ASIC2: variants seen among roughly 807,000 people sequenced by gnomAD.
ASIC2 encodes acid-sensing ion channel 2.
A neutral mutation model predicts 57.3 loss-of-function variants in ASIC2; 25 were observed. That is an observed-to-expected ratio of 0.44 (90% CI 0.32 to 0.61). The LOEUF (loss-of-function observed/expected upper bound fraction) is 0.61, where lower values mean the gene tolerates loss of function less well. Among genes scored for constraint, ASIC2 ranks in the 20% least tolerant of loss-of-function variants. The pLI, the probability that ASIC2 is intolerant of heterozygous loss-of-function variation, is 0.06. For missense variants in ASIC2, 641 were observed against 738.1 expected, an observed-to-expected ratio of 0.87 and a Z score of 1.52; for synonymous variants, 319 against 307.5, an observed-to-expected ratio of 1.04 and a Z score of -0.39.
At chr17:34,013,195 A>G (rs998563562) in intron 1 of ASIC2, among the ~76,000 whole-genome samples, 2 of 152,204 alleles carry the variant, frequency 1.3e-5, no homozygotes, top group African/African-American at 4.8e-5. Flanking sequence ...AACCAGAGGG[A>G]GAGTTTGTCA....
chr17:33,133,530 G>T (rs1239935459), intron 1 of ASIC2, among the ~76,000 whole-genome samples: 1 of 152,178 alleles, frequency 6.6e-6, no homozygotes, highest in Non-Finnish European at 1.5e-5. Context: ...TTAGGGATGG[G>T]AAACTTAGAC....
chr17:33,771,791 A>C (rs1382266514), intron 1 of ASIC2, among the ~76,000 whole-genome samples: 1 of 152,170 alleles, frequency 6.6e-6, no homozygotes, highest in African/African-American at 2.4e-5. Context: ...ATACAGGCAA[A>C]AGATCAAATA....
intron 2 of ASIC2, among the ~76,000 whole-genome samples, chr17:33,109,666 C>T (rs887452038): frequency 1.2e-4 from 19 of 152,278 alleles, no homozygotes; most frequent in African/African-American, 2.4e-4. Context: ...TGATGACCTG[C>T]GCAGTGTTAG....
chr17:33,699,701 A>G (rs1356296865), intron 1 of ASIC2, among the ~76,000 whole-genome samples: 1 of 152,178 alleles, frequency 6.6e-6, no homozygotes, highest in Non-Finnish European at 1.5e-5. Context: ...ACCCTCAACA[A>G]GGCTGTAAAG....
chr17:33,341,128 T>C (rs984019068), intron 1 of ASIC2, among the ~76,000 whole-genome samples: 1 of 152,140 alleles, frequency 6.6e-6, no homozygotes, highest in African/African-American at 2.4e-5. Flanking sequence ...TCCAATCCAG[T>C]GGTAATCAAA....
At chr17:33,970,115 T>C (rs1014853311) in intron 1 of ASIC2, among the ~76,000 whole-genome samples, 1 of 152,184 alleles carries the variant, frequency 6.6e-6, no homozygotes, top group Non-Finnish European at 1.5e-5. Flanking sequence ...CATTAATTCT[T>C]TGTTGTAGGG....
At chr17:33,037,844 T>G (rs2091915514) in intron 3 of ASIC2, among the ~76,000 whole-genome samples, 1 of 152,146 alleles carries the variant, frequency 6.6e-6, no homozygotes, top group African/African-American at 2.4e-5. Context: ...AATTCAATAA[T>G]AAAATCACTG....
chr17:33,575,099 C>G (rs977141228), intron 1 of ASIC2, among the ~76,000 whole-genome samples: 1 of 152,174 alleles, frequency 6.6e-6, no homozygotes, highest in African/African-American at 2.4e-5. Context: ...ACACGTCAGT[C>G]TCCTCACATG....
chr17:33,840,361 G>A (rs116633063), intron 1 of ASIC2, among the ~76,000 whole-genome samples: 2,881 of 152,222 alleles, frequency 0.019, 96 homozygotes, highest in African/African-American at 0.066. Flanking sequence ...AATTTCAACT[G>A]AGGCTTCAGC....
At chr17:33,491,511 A>G (rs1010322787) in intron 1 of ASIC2, among the ~76,000 whole-genome samples, 1 of 152,124 alleles carries the variant, frequency 6.6e-6, no homozygotes, top group Non-Finnish European at 1.5e-5. Context: ...AATAGGAAAA[A>G]CTCTAAAAAA....
intron 1 of ASIC2, among the ~76,000 whole-genome samples, chr17:33,153,752 C>A (rs1187211829): frequency 6.6e-6 from 1 of 152,186 alleles, no homozygotes; most frequent in East Asian, 1.9e-4. Flanking sequence ...GACATCAGCT[C>A]CCTTAGGGAC....
At chr17:33,720,704 T>C (rs1909363683) in intron 1 of ASIC2, among the ~76,000 whole-genome samples, 1 of 152,184 alleles carries the variant, frequency 6.6e-6, no homozygotes, top group Non-Finnish European at 1.5e-5. Context: ...TGGGATAACT[T>C]AGGTGTTACT....
At chr17:34,087,228 A>T (rs1354346195) in intron 1 of ASIC2, among the ~76,000 whole-genome samples, 2 of 151,820 alleles carry the variant, frequency 1.3e-5, no homozygotes, top group Non-Finnish European at 2.9e-5. Context: ...CTTTTAGGGC[A>T]GTCCTGGTGG....
intron 1 of ASIC2, among the ~76,000 whole-genome samples, chr17:33,701,024 G>A (rs558525735): frequency 1.3e-5 from 2 of 152,290 alleles, no homozygotes; most frequent in South Asian, 4.2e-4. Flanking sequence ...CGTTGCCAGA[G>A]GGAGAAAGGC....
Position 33,112,027 on chromosome 17 carries a change from C to A in ASIC2, c.749G>T (p.Gly250Val). ...GGTGAGCAGAGGTTTGCCATCCTCG[C>A]CTGAGTTAAACATGTAACACTTCCC... ...KYGKCYMFNSGEDGKPLLTTV... is the reference protein window; with the variant it reads ...KYGKCYMFNSVEDGKPLLTTV... The change falls in exon 2 of 10, where the codon GGC (glycine) becomes GTC (valine). Residue 250 changes from glycine (G) to valine (V), a missense_variant. Coordinates refer to ENST00000225823, the MANE Select transcript of ASIC2 (RefSeq NM_183377.2). 6.2e-7 allele frequency: 1 copy of A among 1,613,962 alleles called. No homozygotes were observed. The highest frequency in any genetic ancestry group is 8.5e-7 in the Non-Finnish European group (1 of 1,179,948).
Position 33,441,695 on chromosome 17 carries a change from C to T in ASIC2, c.556-329628G>A, listed in dbSNP as rs550964893. Among the ~76,000 whole-genome samples, 25 of 152,262 alleles carry T rather than the reference C, an allele frequency of 1.6e-4. No individual in the cohort carries two copies. In the South Asian group the frequency reaches 4.8e-3, roughly 29 times the overall value. On this transcript the variant is annotated intron_variant, in intron 1 of 9. Coordinates refer to the ASIC2 transcript ENST00000359872. Reference sequence around the variant, plus strand: ...ACCTGGAAGAAAGGATGTTTGTTATCTCTGAAGACACAGAGAAGAATCTGA... The same window carrying T: ...ACCTGGAAGAAAGGATGTTTGTTATTTCTGAAGACACAGAGAAGAATCTGA...
At chr17:33,977,100 A>G (rs1905419445) in intron 1 of ASIC2, among the ~76,000 whole-genome samples, 1 of 152,018 alleles carries the variant, frequency 6.6e-6, no homozygotes, top group African/African-American at 2.4e-5. Context: ...TTTATCCCCC[A>G]TCTAGCAAAT....
chr17:34,065,171 A>G (rs894091599), intron 1 of ASIC2, among the ~76,000 whole-genome samples: 2 of 152,238 alleles, frequency 1.3e-5, no homozygotes, highest in Non-Finnish European at 2.9e-5. Flanking sequence ...TGTGGCATAT[A>G]TATGTGATGG....
intron 1 of ASIC2, among the ~76,000 whole-genome samples, chr17:33,786,560 T>C (rs761776013): frequency 1.3e-5 from 2 of 152,234 alleles, no homozygotes; most frequent in African/African-American, 4.8e-5. Context: ...GAGTAAAGAA[T>C]GGCTTTTTAA....
Sources: allele counts gnomAD v4.1 joint callset (sites outside exome capture counted in the v4.1 genomes callset), GRCh38; gene constraint gnomAD v4.1.1; transcripts MANE v1.5; gene names NCBI Gene and HGNC (gene_info 2026-07-23, HGNC 2026-07-21).